The following NEGR1 variants were observed in gnomAD, a reference collection of about 807,000 sequenced individuals.
NEGR1 encodes neuronal growth regulator 1.
NEGR1 carries 10 observed loss-of-function variants against 40.9 expected under a neutral mutation model. That is an observed-to-expected ratio of 0.24 (90% CI 0.15 to 0.42). The LOEUF (loss-of-function observed/expected upper bound fraction) is 0.42. Ranked by LOEUF, NEGR1 falls within the 10% of genes least tolerant of loss-of-function variation. The probability of loss-of-function intolerance (pLI) is 1.00; values close to 1 mark genes in which losing one functional copy is unlikely to be tolerated. For synonymous variants in NEGR1, 185 were observed against 166.8 expected (o/e 1.11, Z -0.84); for missense variants, 352 against 438.9 (o/e 0.80, Z 1.77).
At chr1:71,666,811 A>AT (rs1012260425) in intron 4 of NEGR1, among the ~76,000 whole-genome samples, 9 of 152,178 alleles carry the variant, frequency 5.9e-5, no homozygotes, top group Admixed American at 5.2e-4. Context: ...ATTTTGAATG[A>AT]TTTTTTTAAG....
At chr1:72,066,012 T>C (rs376261586) in intron 1 of NEGR1, among the ~76,000 whole-genome samples, 141 of 152,248 alleles carry the variant, frequency 9.3e-4, no homozygotes, top group African/African-American at 3.2e-3. Flanking sequence ...AGAATTCCCC[T>C]TCCCTTTAGA....
At chr1:72,085,645 T>A (rs927176196) in intron 1 of NEGR1, among the ~76,000 whole-genome samples, 72 of 152,106 alleles carry the variant, frequency 4.7e-4, no homozygotes, top group African/African-American at 1.7e-3. Flanking sequence ...TAAATATTAG[T>A]ATTTCGCTCT....
intron 4 of NEGR1, among the ~76,000 whole-genome samples, chr1:71,662,579 T>C (rs1652102608): frequency 6.6e-6 from 1 of 152,142 alleles, no homozygotes; most frequent in Non-Finnish European, 1.5e-5. Context: ...ATAATGGATG[T>C]ATTGCATAAT....
intron 6 of NEGR1, among the ~76,000 whole-genome samples, chr1:71,445,619 A>C (rs1483821021): frequency 6.6e-6 from 1 of 152,204 alleles, no homozygotes; most frequent in Non-Finnish European, 1.5e-5. Flanking sequence ...ACTTCAATCT[A>C]AACTGCAGAC....
chr1:71,630,980 AATT>A (rs1489517434), intron 4 of NEGR1, among the ~76,000 whole-genome samples: 2 of 151,902 alleles, frequency 1.3e-5, no homozygotes, highest in African/African-American at 4.8e-5. Context: ...ATGGACAGTA[AATT>A]ATTATAACTA....
At chr1:72,205,221 C>CTTG (rs1277511495) in intron 1 of NEGR1, among the ~76,000 whole-genome samples, 1 of 151,756 alleles carries the variant, frequency 6.6e-6, no homozygotes, top group Non-Finnish European at 1.5e-5. Flanking sequence ...CTAGGTTCTT[C>CTTG]TGACTTCCTG....
chr1:71,985,173 T>C (rs1254716471), intron 1 of NEGR1, among the ~76,000 whole-genome samples: 1 of 152,170 alleles, frequency 6.6e-6, no homozygotes, highest in Non-Finnish European at 1.5e-5. Context: ...ATTTCAAGAA[T>C]TAATAATCTC....
intron 6 of NEGR1, among the ~76,000 whole-genome samples, chr1:71,469,496 A>G (rs1330999302): frequency 6.6e-6 from 1 of 152,086 alleles, no homozygotes; most frequent in Non-Finnish European, 1.5e-5. Flanking sequence ...TGAATTTAGT[A>G]TCTACAGGAA....
intron 6 of NEGR1, among the ~76,000 whole-genome samples, chr1:71,549,598 TA>T (rs2101467322): frequency 6.6e-6 from 1 of 151,748 alleles, no homozygotes; most frequent in African/African-American, 2.4e-5. Flanking sequence ...CACAGTGCAG[TA>T]AAGGGATCTT....
chr1:71,522,766 T>C (rs1647168983), intron 6 of NEGR1, among the ~76,000 whole-genome samples: 1 of 147,054 alleles, frequency 6.8e-6, no homozygotes. Context: ...CGCACAATAC[T>C]TTTTAAAAAC....
chr1:72,091,912 T>C (rs1181047849), intron 1 of NEGR1, among the ~76,000 whole-genome samples: 1 of 152,176 alleles, frequency 6.6e-6, no homozygotes, highest in Admixed American at 6.5e-5. Flanking sequence ...TGTGTGTGTG[T>C]GTGTCTTATT....
At chr1:71,740,970 G>A (rs1298654243) in intron 3 of NEGR1, among the ~76,000 whole-genome samples, 2 of 152,154 alleles carry the variant, frequency 1.3e-5, no homozygotes, top group Non-Finnish European at 2.9e-5. Context: ...GAGTGAAAGC[G>A]ACACCCTGCA....
chr1:72,202,729 A>G (rs1004825583), intron 1 of NEGR1, among the ~76,000 whole-genome samples: 42 of 152,012 alleles, frequency 2.8e-4, no homozygotes, highest in African/African-American at 9.7e-4. Flanking sequence ...AGAGAAGTCA[A>G]TGCCAGGCAA....
chr1:71,953,384 G>A (rs2801334), intron 1 of NEGR1, among the ~76,000 whole-genome samples: 65,627 of 151,732 alleles, frequency 0.43, 14,814 homozygotes, highest in Middle Eastern at 0.58. Flanking sequence ...ATGCAATCTC[G>A]TGATAAAGCT....
At chr1:71,770,810 G>A (rs899806943) in intron 3 of NEGR1, among the ~76,000 whole-genome samples, 5 of 152,184 alleles carry the variant, frequency 3.3e-5, no homozygotes, top group African/African-American at 4.8e-5. Flanking sequence ...ACAAATGCTG[G>A]AGAGGATGTG....
chr1:71,445,451 A>C (rs1028000045), intron 6 of NEGR1, among the ~76,000 whole-genome samples: 1 of 152,092 alleles, frequency 6.6e-6, no homozygotes, highest in Admixed American at 6.6e-5. Context: ...TTACACTTGA[A>C]GTTAGTTGAG....
intron 6 of NEGR1, among the ~76,000 whole-genome samples, chr1:71,471,409 G>A (rs1646781226): frequency 6.6e-6 from 1 of 152,080 alleles, no homozygotes; most frequent in African/African-American, 2.4e-5. Context: ...ACTTTGAGAG[G>A]CCTTGGCGGC....
intron 3 of NEGR1, among the ~76,000 whole-genome samples, chr1:71,729,931 T>C (rs1379681498): frequency 1.3e-5 from 2 of 151,960 alleles, no homozygotes; most frequent in African/African-American, 2.4e-5. Flanking sequence ...TCTTTTTTAT[T>C]GAGAGACAAT....
intron 6 of NEGR1, among the ~76,000 whole-genome samples, chr1:71,485,875 T>C (rs1332038247): frequency 1.3e-5 from 2 of 151,738 alleles, no homozygotes; most frequent in Non-Finnish European, 3.0e-5. Context: ...GTTTTTGCAA[T>C]TATGAATAAA....
Sources: allele counts gnomAD v4.1 joint callset (sites outside exome capture counted in the v4.1 genomes callset), GRCh38; gene constraint gnomAD v4.1.1; transcripts MANE v1.5; gene names NCBI Gene and HGNC (gene_info 2026-07-23, HGNC 2026-07-21).